The following DLC1 variants were observed in gnomAD, a reference collection of about 807,000 sequenced individuals.
DLC1 encodes the protein rho GTPase-activating protein 7.
Under a neutral mutation model 140.3 loss-of-function variants are expected in DLC1, and 54 were observed. The ratio of observed to expected loss-of-function variants is 0.38; its 90% CI spans 0.31 to 0.48. The LOEUF (loss-of-function observed/expected upper bound fraction) is 0.48. Ranked by LOEUF, DLC1 falls within the 20% of genes least tolerant of loss-of-function variation. The pLI, the probability that DLC1 is intolerant of heterozygous loss-of-function variation, is 0.96. For missense variants in DLC1, 2,536 were observed against 1,907.0 expected, an observed-to-expected ratio of 1.33 and a Z score of -6.14; for synonymous variants, 986 against 728.1, an observed-to-expected ratio of 1.35 and a Z score of -5.70.
chr8:13,530,530 T>A (rs1416370787), intron 1 of DLC1, among the ~76,000 whole-genome samples: 1 of 152,134 alleles, frequency 6.6e-6, no homozygotes, highest in Non-Finnish European at 1.5e-5. Context: ...TGTTTCCAGA[T>A]ACATGTGTAG....
chr8:13,218,609 T>G (rs961951227), intron 5 of DLC1, among the ~76,000 whole-genome samples: 4 of 151,646 alleles, frequency 2.6e-5, no homozygotes, highest in Middle Eastern at 3.2e-3. Context: ...TATCATAATT[T>G]GAGAAAAGGA....
At chr8:13,529,929 G>T (rs1216605301) in intron 1 of DLC1, among the ~76,000 whole-genome samples, 2 of 152,148 alleles carry the variant, frequency 1.3e-5, no homozygotes, top group Non-Finnish European at 1.5e-5. Context: ...GGGACGAAAG[G>T]CTACTAGGAA....
chr8:13,464,745 A>ATTATATATATATATATATAT (rs1354024438), intron 2 of DLC1, among the ~76,000 whole-genome samples: 4 of 108,476 alleles, frequency 3.7e-5, no homozygotes, highest in African/African-American at 1.1e-4. Flanking sequence ...AGAATTTTAA[A>ATTATATATATATATATATAT]TTATATATAT....
intron 1 of DLC1, among the ~76,000 whole-genome samples, chr8:13,542,402 C>G (rs1803515312): frequency 6.6e-6 from 1 of 152,130 alleles, no homozygotes; most frequent in African/African-American, 2.4e-5. Context: ...TACCATTGGT[C>G]TATAGATCTG....
chr8:13,578,764 C>G (rs1249101116), intron 1 of DLC1, among the ~76,000 whole-genome samples: 2 of 149,946 alleles, frequency 1.3e-5, no homozygotes, highest in African/African-American at 4.9e-5. Flanking sequence ...CTTCCATGCC[C>G]TCTCCAGGTG....
intron 1 of DLC1, among the ~76,000 whole-genome samples, chr8:13,550,639 A>T (rs1803814464): frequency 6.6e-6 from 1 of 152,194 alleles, no homozygotes; most frequent in Non-Finnish European, 1.5e-5. Context: ...ACAAAATATC[A>T]TTATGTATAT....
chr8:13,599,726 C>G, intron 1 of DLC1, among the ~76,000 whole-genome samples: 1 of 151,786 alleles, frequency 6.6e-6, no homozygotes, highest in East Asian at 1.9e-4. Context: ...TCAACTCTAT[C>G]CAAATGTATA....
At chr8:13,224,266 T>G (rs1279802547) in intron 5 of DLC1, among the ~76,000 whole-genome samples, 1 of 152,162 alleles carries the variant, frequency 6.6e-6, no homozygotes, top group African/African-American at 2.4e-5. Context: ...AAAATAGCAA[T>G]GATATTGGTT....
intron 2 of DLC1, among the ~76,000 whole-genome samples, chr8:13,474,682 A>T (rs1800364466): frequency 6.6e-6 from 1 of 152,314 alleles, no homozygotes. Flanking sequence ...CACCTCTTGC[A>T]CCAGCCTCAT....
intron 2 of DLC1, among the ~76,000 whole-genome samples, chr8:13,466,265 G>A (rs911661549): frequency 6.6e-6 from 1 of 152,182 alleles, no homozygotes; most frequent in African/African-American, 2.4e-5. Flanking sequence ...CGCTGAGCCT[G>A]CGTGTTCTGG....
At chr8:13,298,213 C>A (rs1832040995) in intron 5 of DLC1, among the ~76,000 whole-genome samples, 1 of 152,114 alleles carries the variant, frequency 6.6e-6, no homozygotes, top group African/African-American at 2.4e-5. Context: ...AAGCTCCAGG[C>A]AGGAGAATAA....
intron 5 of DLC1, among the ~76,000 whole-genome samples, chr8:13,140,176 A>T (rs998148766): frequency 6.6e-6 from 1 of 152,168 alleles, no homozygotes; most frequent in African/African-American, 2.4e-5. Flanking sequence ...TCTGGCTTAT[A>T]ATGGTTAAAT....
At chr8:13,575,815 C>A (rs984337458) in intron 1 of DLC1, among the ~76,000 whole-genome samples, 36 of 152,150 alleles carry the variant, frequency 2.4e-4, no homozygotes, top group African/African-American at 8.4e-4. Context: ...GTGCCTTGGT[C>A]ATTATGAACA....
chr8:13,345,704 C>T (rs1439107615), intron 4 of DLC1, among the ~76,000 whole-genome samples: 4 of 151,690 alleles, frequency 2.6e-5, no homozygotes, highest in African/African-American at 4.9e-5. Flanking sequence ...ATTACAGGCA[C>T]CTGCCACCAC....
chr8:13,143,813 T>TGAGAGA (rs35079610), intron 5 of DLC1, among the ~76,000 whole-genome samples: 5,184 of 128,592 alleles, frequency 0.04, 182 homozygotes, highest in South Asian at 0.044. Context: ...AATGAAAAGC[T>TGAGAGA]GAGAGAGAGA....
At chr8:13,183,446 G>T (rs1826157598) in intron 5 of DLC1, among the ~76,000 whole-genome samples, 1 of 152,286 alleles carries the variant, frequency 6.6e-6, no homozygotes, top group South Asian at 2.1e-4. Context: ...GATATTGGCT[G>T]TGGGTTTGTC....
At chr8:13,498,420 T>G (rs1383471067) in intron 2 of DLC1, among the ~76,000 whole-genome samples, 1 of 152,112 alleles carries the variant, frequency 6.6e-6, no homozygotes, top group East Asian at 1.9e-4. Context: ...TAAAACATAA[T>G]TGTGGTTATT....
At chr8:13,250,507 C>T (rs1829956228) in intron 5 of DLC1, among the ~76,000 whole-genome samples, 1 of 152,142 alleles carries the variant, frequency 6.6e-6, no homozygotes, top group Non-Finnish European at 1.5e-5. Flanking sequence ...GAGTAAAGTA[C>T]TTACTTTAAT....
intron 5 of DLC1, among the ~76,000 whole-genome samples, chr8:13,185,235 C>G (rs528911770): frequency 6.8e-6 from 1 of 147,488 alleles, no homozygotes; most frequent in South Asian, 2.2e-4. Context: ...ATATAGTACA[C>G]TGATGGGTCT....
Sources: gnomAD v4.1 joint callset for allele counts (sites outside exome capture counted in the v4.1 genomes callset) on GRCh38, gnomAD v4.1.1 for gene constraint, MANE v1.5 for transcripts, NCBI Gene and HGNC (gene_info 2026-07-23, HGNC 2026-07-21) for gene names.